SLC24A2: variants seen among roughly 807,000 people sequenced by gnomAD.
The protein encoded by SLC24A2 is solute carrier family 24 member 2.
A neutral mutation model predicts 62.0 loss-of-function variants in SLC24A2; 36 were observed. The ratio of observed to expected loss-of-function variants is 0.58; its 90% CI spans 0.44 to 0.77. The LOEUF is 0.77. Ranked by LOEUF, SLC24A2 falls within the 30% of genes least tolerant of loss-of-function variation. The pLI, the probability that SLC24A2 is intolerant of heterozygous loss-of-function variation, is 0.00. For missense variants in SLC24A2, 846 were observed against 817.9 expected, an observed-to-expected ratio of 1.03 and a Z score of -0.42; for synonymous variants, 358 against 294.0, an observed-to-expected ratio of 1.22 and a Z score of -2.23.
At chr9:19,968,753 A>G in the SLC24A2 span, among the ~76,000 whole-genome samples, 2 of 152,114 alleles carry the variant, frequency 1.3e-5, no homozygotes, top group African/African-American at 4.8e-5. Context: ...TTTTCTCTAT[A>G]TATTATTTTA....
the SLC24A2 span, among the ~76,000 whole-genome samples, chr9:20,232,402 T>G: frequency 6.6e-6 from 1 of 152,204 alleles, no homozygotes; most frequent in Non-Finnish European, 1.5e-5. Flanking sequence ...GATTATTGCC[T>G]CAATTTCAGA....
the SLC24A2 span, among the ~76,000 whole-genome samples, chr9:20,029,303 G>C: frequency 2.0e-5 from 3 of 152,148 alleles, no homozygotes; most frequent in Non-Finnish European, 2.9e-5. Flanking sequence ...TGTCACCCTT[G>C]GCATGCTCAT....
chr9:19,810,204 G>A, the SLC24A2 span, among the ~76,000 whole-genome samples: 1 of 152,132 alleles, frequency 6.6e-6, no homozygotes, highest in African/African-American at 2.4e-5. Flanking sequence ...CCAGCTCCCC[G>A]AGGAGCACCT....
At chr9:20,113,651 AT>A in the SLC24A2 span, among the ~76,000 whole-genome samples, 10 of 151,876 alleles carry the variant, frequency 6.6e-5, no homozygotes, top group Non-Finnish European at 1.0e-4. Flanking sequence ...CTTTCAAGTC[AT>A]TTTTTTTCTC....
intron 2 of SLC24A2, among the ~76,000 whole-genome samples, chr9:19,641,346 A>G (rs750235697): frequency 2.0e-5 from 3 of 152,208 alleles, no homozygotes; most frequent in Non-Finnish European, 4.4e-5. Flanking sequence ...TCCAATTCCA[A>G]TTGCCAACTC....
the SLC24A2 span, among the ~76,000 whole-genome samples, chr9:19,934,798 G>A: frequency 2.0e-5 from 3 of 152,150 alleles, no homozygotes; most frequent in Non-Finnish European, 2.9e-5. This position sits in a 1 kb window ranked among gnomAD's most constrained non-coding sequence, Gnocchi z 4.1. Flanking sequence ...ACCGAGCGGG[G>A]CGTGGCGGGG....
At chr9:19,958,168 CAG>C in the SLC24A2 span, 7 of 152,112 alleles carry the variant, frequency 4.6e-5, no homozygotes, top group Admixed American at 6.5e-5. Flanking sequence ...CATAGCCTGG[CAG>C]TTACAGACTC....
At chr9:20,289,886 C>T in the SLC24A2 span, among the ~76,000 whole-genome samples, 1,751 of 152,246 alleles carry the variant, frequency 0.012, 18 homozygotes, top group Non-Finnish European at 0.02. Context: ...TTTTTTCCTA[C>T]GCTTCTATGA....
intron 2 of SLC24A2, among the ~76,000 whole-genome samples, chr9:19,640,721 C>G (rs1329068749): frequency 6.6e-6 from 1 of 152,174 alleles, no homozygotes; most frequent in Non-Finnish European, 1.5e-5. Context: ...CTCATCTTAC[C>G]CTAATCCTGG....
chr9:20,284,437 G>A, the SLC24A2 span, among the ~76,000 whole-genome samples: 19 of 151,918 alleles, frequency 1.3e-4, 1 homozygote, highest in Non-Finnish European at 7.4e-5. Flanking sequence ...ACAACCATGC[G>A]CAGCTCAGGT....
chr9:20,291,300 G>C, the SLC24A2 span, among the ~76,000 whole-genome samples: 30 of 152,190 alleles, frequency 2.0e-4, no homozygotes, highest in African/African-American at 6.7e-4. Context: ...CTTCTGGTTG[G>C]GGAAATCAAG....
chr9:19,651,183 A>T (rs1402460402), intron 2 of SLC24A2, among the ~76,000 whole-genome samples: 2 of 152,106 alleles, frequency 1.3e-5, no homozygotes, highest in Non-Finnish European at 2.9e-5. Context: ...AAGCTACAAC[A>T]CCCTAAGTGG....
chr9:19,769,373 G>A lies in SLC24A2; in HGVS notation c.930+16564C>T, dbSNP rs142080808. On this transcript the variant is annotated intron_variant, in intron 2 of 10. Coordinates refer to ENST00000341998, the MANE Select transcript of SLC24A2 (RefSeq NM_020344.4). ...GTTACCCACCTGATTCATGGCACCA[G>A]TGCCTGAACATGTGGGTCACTCTGC... Among the ~76,000 whole-genome samples the A allele has an allele frequency of 2.7e-3, 411 of 152,328 alleles. 3 individuals carry two copies. Among genetic ancestry groups the A allele is most frequent in the Admixed American group, 7.1e-3 (109 of 15,302 alleles).
chr9:19,947,851 A>AGAAAGAAAGAAAGAAAGAAAGAAAGAAG, the SLC24A2 span, among the ~76,000 whole-genome samples: 1 of 150,006 alleles, frequency 6.7e-6, no homozygotes, highest in African/African-American at 2.4e-5. Context: ...AAAGAAAGAA[A>AGAAAGAAAGAAAGAAAGAAAGAAAGAAG]TTAGTTCAAT....
At chr9:20,124,533 G>T in the SLC24A2 span, among the ~76,000 whole-genome samples, 10 of 152,076 alleles carry the variant, frequency 6.6e-5, no homozygotes, top group African/African-American at 2.4e-4. Flanking sequence ...ATGCCATGTT[G>T]CTGCTCAGTT....
intron 2 of SLC24A2, among the ~76,000 whole-genome samples, chr9:19,745,305 T>C (rs1045072556): frequency 6.6e-6 from 1 of 152,152 alleles, no homozygotes; most frequent in Non-Finnish European, 1.5e-5. Context: ...TCTTTGTAAA[T>C]TACCCAGCCT....
the SLC24A2 span, among the ~76,000 whole-genome samples, chr9:19,922,116 C>T: frequency 6.6e-6 from 1 of 152,246 alleles, no homozygotes; most frequent in South Asian, 2.1e-4. Context: ...AGCCTGTTCC[C>T]ATTGTTTCAG....
At chr9:19,527,885 G>T (rs763330742) in intron 9 of SLC24A2, among the ~76,000 whole-genome samples, 164 bp downstream of exon 9, 1 of 152,184 alleles carries the variant, frequency 6.6e-6, no homozygotes, top group South Asian at 2.1e-4. Context: ...CAGAAGACTA[G>T]GGAAAGTTAA....
At chr9:20,079,809 A>G in the SLC24A2 span, among the ~76,000 whole-genome samples, 505 of 152,292 alleles carry the variant, frequency 3.3e-3, 1 homozygote, top group Non-Finnish European at 5.8e-3. Context: ...GAAGTTGCCT[A>G]TCAGCTTAAG....
Sources: allele counts gnomAD v4.1 joint callset (sites outside exome capture counted in the v4.1 genomes callset), GRCh38; gene constraint gnomAD v4.1.1; non-coding constraint Gnocchi (gnomAD v3.1); transcripts MANE v1.5; gene names NCBI Gene and HGNC (gene_info 2026-07-23, HGNC 2026-07-21).